Variants in ESRRG observed in about 807,000 individuals in gnomAD.
ESRRG encodes estrogen related receptor gamma, also known as estrogen-related receptor gamma.
A neutral mutation model predicts 44.0 loss-of-function variants in ESRRG; 13 were observed. That is an observed-to-expected ratio of 0.30 (90% CI 0.19 to 0.47). ESRRG has a LOEUF of 0.47. Ranked by LOEUF, ESRRG falls within the 20% of genes least tolerant of loss-of-function variation. The probability of loss-of-function intolerance (pLI) is 1.00; values close to 1 mark genes in which losing one functional copy is unlikely to be tolerated. For synonymous variants in ESRRG, 215 were observed against 214.6 expected (o/e 1.00, Z -0.02); for missense variants, 395 against 580.6 (o/e 0.68, Z 3.29).
chr1:216,918,945 TACCTGCATCAC>T (rs1466681586), intron 2 of ESRRG, among the ~76,000 whole-genome samples: 1 of 151,130 alleles, frequency 6.6e-6, no homozygotes, highest in Admixed American at 6.6e-5. Flanking sequence ...ATGCTTATAC[TACCTGCATCAC>T]ACACTTATGA....
intron 2 of ESRRG, among the ~76,000 whole-genome samples, chr1:216,913,735 G>C (rs1020384870): frequency 6.6e-6 from 1 of 152,216 alleles, no homozygotes; most frequent in Non-Finnish European, 1.5e-5. Context: ...AAATGATGTA[G>C]TGCGTGTGAT....
chr1:217,081,304 C>T (rs1249852338), intron 1 of ESRRG, among the ~76,000 whole-genome samples: 2 of 135,352 alleles, frequency 1.5e-5, no homozygotes, highest in Non-Finnish European at 3.1e-5. Context: ...CTCGGCTCAC[C>T]GCAACCTCCG....
intron 1 of ESRRG, among the ~76,000 whole-genome samples, chr1:217,054,206 C>G (rs2086649210): frequency 1.3e-5 from 2 of 152,118 alleles, no homozygotes; most frequent in South Asian, 4.1e-4. Flanking sequence ...TCATCAAAAT[C>G]TCTCAACTTC....
intron 3 of ESRRG, among the ~76,000 whole-genome samples, chr1:216,596,194 A>T (rs1314641714): frequency 1.3e-5 from 2 of 152,202 alleles, no homozygotes; most frequent in East Asian, 3.9e-4. Flanking sequence ...TGTACACCGC[A>T]TTCCCTTACT....
intron 2 of ESRRG, among the ~76,000 whole-genome samples, chr1:216,779,894 G>A (rs1343448057): frequency 6.6e-6 from 1 of 151,606 alleles, no homozygotes; most frequent in South Asian, 2.1e-4. Flanking sequence ...GCATCATAAT[G>A]CACCATTAGA....
At chr1:216,777,383 C>G (rs537508598) in intron 2 of ESRRG, among the ~76,000 whole-genome samples, 17 of 152,226 alleles carry the variant, frequency 1.1e-4, no homozygotes, top group African/African-American at 3.6e-4. Flanking sequence ...AAAACTCTCT[C>G]AACAAGAGCT....
At chr1:216,596,489 T>C (rs2058464969) in intron 3 of ESRRG, among the ~76,000 whole-genome samples, 1 of 152,198 alleles carries the variant, frequency 6.6e-6, no homozygotes, top group Non-Finnish European at 1.5e-5. Flanking sequence ...ACTCCTCCGC[T>C]AGCTTCACTT....
chr1:216,605,682 G>A (rs1223770982), intron 3 of ESRRG, among the ~76,000 whole-genome samples: 1 of 148,794 alleles, frequency 6.7e-6, no homozygotes. Context: ...AAAGACATTT[G>A]CTATATTATG....
chr1:216,760,224 G>GT (rs2092696863), intron 2 of ESRRG, among the ~76,000 whole-genome samples: 1 of 150,544 alleles, frequency 6.6e-6, no homozygotes, highest in South Asian at 2.1e-4. Flanking sequence ...AAAAAAGGGT[G>GT]TGTATCTTAG....
chr1:217,001,672 G>A (rs1456744911), intron 1 of ESRRG, among the ~76,000 whole-genome samples: 1 of 152,164 alleles, frequency 6.6e-6, no homozygotes, highest in African/African-American at 2.4e-5. Context: ...GAATAGCAAA[G>A]AGGCCAAGGT....
intron 1 of ESRRG, among the ~76,000 whole-genome samples, chr1:217,107,986 C>G (rs938686281): frequency 6.6e-6 from 1 of 151,472 alleles, no homozygotes; most frequent in Non-Finnish European, 1.5e-5. Context: ...TCATTCCTGA[C>G]TCTGATGATA....
At chr1:216,961,211 AAC>A (rs2068981044) in intron 1 of ESRRG, among the ~76,000 whole-genome samples, 1 of 152,192 alleles carries the variant, frequency 6.6e-6, no homozygotes, top group African/African-American at 2.4e-5. Context: ...TAACTGATTA[AAC>A]GTTAAAGAAA....
intron 3 of ESRRG, among the ~76,000 whole-genome samples, chr1:216,641,160 G>A (rs1042084277): frequency 6.6e-6 from 1 of 152,126 alleles, no homozygotes; most frequent in Non-Finnish European, 1.5e-5. Flanking sequence ...TGTTTCTTAG[G>A]ATTTCAGCCT....
intron 6 of ESRRG, among the ~76,000 whole-genome samples, chr1:216,509,414 C>A (rs2042093131): frequency 6.6e-6 from 1 of 152,172 alleles, no homozygotes; most frequent in Non-Finnish European, 1.5e-5. Context: ...CAAATTCTAT[C>A]ATTTGGTCCT....
chr1:216,880,682 A>C (rs1043789564), intron 2 of ESRRG, among the ~76,000 whole-genome samples: 1 of 152,298 alleles, frequency 6.6e-6, no homozygotes, highest in Middle Eastern at 3.4e-3. Flanking sequence ...CTTTTTATTT[A>C]ATTTAGAAGC....
At chr1:216,741,700 A>T (rs1204782608) in intron 2 of ESRRG, among the ~76,000 whole-genome samples, 1 of 152,194 alleles carries the variant, frequency 6.6e-6, no homozygotes, top group African/African-American at 2.4e-5. Flanking sequence ...TTAATGAATA[A>T]ATGAATGAAT....
intron 1 of ESRRG, among the ~76,000 whole-genome samples, chr1:217,001,486 C>A (rs2077027875): frequency 1.3e-5 from 2 of 152,290 alleles, no homozygotes; most frequent in Middle Eastern, 6.8e-3. Flanking sequence ...GTCTCATGTT[C>A]ACTGTTTTAG....
upstream of ESRRG, chr1:217,089,695 C>T (rs2092297361): frequency 6.6e-6 from 1 of 152,102 alleles, no homozygotes; most frequent in Admixed American, 6.5e-5. Flanking sequence ...GCCGGCCCTC[C>T]GGTGGCAAGG....
At chr1:216,563,110 T>G (rs2059083666) in intron 5 of ESRRG, among the ~76,000 whole-genome samples, 1 of 152,172 alleles carries the variant, frequency 6.6e-6, no homozygotes, top group African/African-American at 2.4e-5. Context: ...TTGACTTAAT[T>G]TGGGGGGCTT....
Sources: allele counts gnomAD v4.1 joint callset (sites outside exome capture counted in the v4.1 genomes callset), GRCh38; gene constraint gnomAD v4.1.1; transcripts MANE v1.5; gene names NCBI Gene and HGNC (gene_info 2026-07-23, HGNC 2026-07-21).